The following KIF27 variants were observed in gnomAD, a reference collection of about 807,000 sequenced individuals.
KIF27 encodes kinesin-like protein KIF27.
Under a neutral mutation model 141.8 loss-of-function variants are expected in KIF27, and 84 were observed. That is an observed-to-expected ratio of 0.59 (90% CI 0.50 to 0.71). KIF27 has a LOEUF of 0.71. KIF27 is among the 30% of genes least tolerant of loss of function. The probability of loss-of-function intolerance (pLI) is 0.00; values close to 1 mark genes in which losing one functional copy is unlikely to be tolerated. For synonymous variants in KIF27, 471 were observed against 569.5 expected, an observed-to-expected ratio of 0.83 and a Z score of 2.46; for missense variants, 1,306 against 1,628.4, an observed-to-expected ratio of 0.80 and a Z score of 3.41.
chr9:83,876,239 C>G (rs111262599), intron 11 of KIF27, among the ~76,000 whole-genome samples: 20,325 of 152,002 alleles, frequency 0.13, 1,444 homozygotes, highest in African/African-American at 0.14. Flanking sequence ...GAATACTTTT[C>G]CATAGCTGCA....
chr9:83,902,851 G>C (rs1026882364), intron 4 of KIF27, among the ~76,000 whole-genome samples: 1 of 151,952 alleles, frequency 6.6e-6, no homozygotes, highest in African/African-American at 2.4e-5. Context: ...AGTAAGAGAG[G>C]CAAGTGGGAT....
Position 83,903,524 on chromosome 9 carries a change from G to A in KIF27, c.994C>T (p.Leu332Phe). Residue 332 changes from leucine to phenylalanine, a missense_variant, in exon 4 of 18, where the codon CTC (leucine) becomes TTC (phenylalanine). Physicochemically the swap from Leu to Phe is conservative, Grantham distance 22 (BLOSUM62 0). Transcript: ENST00000297814. The stretch of plus-strand genomic sequence containing the variant: ...TTCCGTGCTCTGTTGGCATATTTGA[G>A]AGAATTTAAGGACTCATCAAAATTC... ...SSNFDESLNS[L>F]KYANRARNIR... is the part of the protein sequence containing the mutation. 6.2e-7 allele frequency: 1 copy of A among 1,614,106 alleles called. No individual in the cohort carries two copies. Among genetic ancestry groups the A allele is most frequent in the Non-Finnish European group, 8.5e-7 (1 of 1,180,002 alleles).
At chr9:83,838,738 T>C (rs985180268) in intron 17 of KIF27, 14 of 152,214 alleles carry the variant, frequency 9.2e-5, no homozygotes, top group Admixed American at 2.6e-4. Flanking sequence ...TGAATTGCAA[T>C]AGCAGCTGGA....
intron 11 of KIF27, among the ~76,000 whole-genome samples, chr9:83,873,610 C>T (rs1224847091): frequency 1.3e-5 from 2 of 152,130 alleles, no homozygotes; most frequent in African/African-American, 2.4e-5. Flanking sequence ...ATGTTTACCA[C>T]CCATAGTTCT....
At chr9:83,855,663 G>A (rs1186920649) in intron 14 of KIF27, among the ~76,000 whole-genome samples, 1 of 152,112 alleles carries the variant, frequency 6.6e-6, no homozygotes, top group Non-Finnish European at 1.5e-5. Flanking sequence ...AAGCAACTAT[G>A]TTGAAGGAAA....
At chr9:83,899,467 C>T (rs535905021) in intron 5 of KIF27, among the ~76,000 whole-genome samples, 194 bp downstream of exon 5, 9 of 152,278 alleles carry the variant, frequency 5.9e-5, no homozygotes, top group African/African-American at 2.2e-4. Flanking sequence ...AAACCAAAGT[C>T]AGGCTAACAA....
At position 83,888,504 on chromosome 9, in the gene KIF27, C is replaced by A. The variant is rs772604037; in HGVS notation, c.2068G>T (p.Asp690Tyr). 1.3e-6 allele frequency: 2 copies of A among 1,571,380 alleles called. No individual in the cohort carries two copies. Among genetic ancestry groups the A allele is most frequent in the Non-Finnish European group, 1.7e-6 (2 of 1,149,480 alleles). Residue 690 changes from aspartate to tyrosine, a missense_variant, in exon 8 of 18, where the codon GAT becomes TAT. This residue lies in a region of KIF27 where 596 missense variants were observed against 751.6 expected (regional missense o/e 0.79). Coordinates refer to ENST00000297814, the MANE Select transcript of KIF27 (RefSeq NM_017576.4). Reference sequence around the variant, plus strand: ...ATCTATGTACCTTCATTCTCCAAATCTGACTTTTGTGTTTCATCCTGAGTA... The same window carrying A: ...ATCTATGTACCTTCATTCTCCAAATATGACTTTTGTGTTTCATCCTGAGTA... The part of the protein sequence containing the change: ...SDTQDETQKS[D>Y]LENEDLKIDC...
At chr9:83,918,771 T>C (rs1245432985) in intron 1 of KIF27, among the ~76,000 whole-genome samples, 3 of 151,772 alleles carry the variant, frequency 2.0e-5, no homozygotes, top group African/African-American at 7.3e-5. Flanking sequence ...TGTAACCCCA[T>C]TGCTACCTAA....
At chr9:83,856,906 CAAAA>C (rs573136318) in intron 14 of KIF27, among the ~76,000 whole-genome samples, 1 of 76,276 alleles carries the variant, frequency 1.3e-5, no homozygotes, top group Admixed American at 1.6e-4. Context: ...GACTCCATCT[CAAAA>C]AAAAAAAAAA....
At chr9:83,904,973 G>A (rs1954349999) in intron 3 of KIF27, among the ~76,000 whole-genome samples, 1 of 151,530 alleles carries the variant, frequency 6.6e-6, no homozygotes, top group East Asian at 1.9e-4. Context: ...AAGGTAAACA[G>A]ATGAGATGGC....
chr9:83,877,915 T>C (rs1445237732), intron 11 of KIF27, among the ~76,000 whole-genome samples: 1 of 151,922 alleles, frequency 6.6e-6, no homozygotes, highest in Non-Finnish European at 1.5e-5. Flanking sequence ...CTCAACATCA[T>C]TAGTCATTAG....
At chr9:83,861,478 C>T (rs370125954) in intron 13 of KIF27, among the ~76,000 whole-genome samples, 1 of 152,146 alleles carries the variant, frequency 6.6e-6, no homozygotes, top group East Asian at 1.9e-4. Context: ...TGGTTTCCAG[C>T]TTCATCCATG....
intron 1 of KIF27, among the ~76,000 whole-genome samples, chr9:83,916,600 T>G (rs1955704639): frequency 6.6e-6 from 1 of 152,174 alleles, no homozygotes; most frequent in African/African-American, 2.4e-5. Flanking sequence ...AATTGATGGC[T>G]GTAGTTTCCT....
rs375360469 is a variant in KIF27, at chr9:83,859,046, C to G, written c.3150+110G>C. The stretch of plus-strand genomic sequence containing the variant: ...GAACTCACTACATCTGACAAAATCT[C>G]AAGGAACCAAGTTTACCAGATAATA... On this transcript the variant is annotated intron_variant, in intron 14 of 17. Transcript: ENST00000297814. 8.2e-5 allele frequency: 72 copies of G among 877,910 alleles called. No individual in the cohort carries two copies. The South Asian group carries it at 1.0e-3, about 12-fold the overall frequency. The allele number at this position is 877,910 out of a possible 1,614,324, so 54.4% of individuals were successfully genotyped here.
chr9:83,860,721 C>T (rs1417290386), intron 13 of KIF27, among the ~76,000 whole-genome samples: 1 of 152,180 alleles, frequency 6.6e-6, no homozygotes, highest in African/African-American at 2.4e-5. Context: ...TCCTCCTGCT[C>T]CACACTGGAC....
chr9:83,908,506 A>G lies in KIF27; in HGVS notation c.445T>C (p.Leu149=). The G allele has an allele frequency of 1.2e-6, 2 of 1,612,962 alleles. No homozygotes were observed. The highest frequency in any genetic ancestry group is 8.5e-7 in the Non-Finnish European group (1 of 1,179,242). ...TGAAGATCCTTCATGGATGTCTCCA[A>G]TTCTAGAAGATCTCTTAGGTCTTCC... ...YKEDLRDLLE[L]ETSMKDLHIR... The change falls in exon 3 of 18, where the codon TTG becomes CTG. Residue 149 remains leucine, a synonymous_variant. Transcript: ENST00000297814.
At chr9:83,881,332 G>C (rs1456767491) in intron 10 of KIF27, among the ~76,000 whole-genome samples, 1 of 152,120 alleles carries the variant, frequency 6.6e-6, no homozygotes, top group Non-Finnish European at 1.5e-5. Context: ...ATACCAATTA[G>C]GTGGCATAAA....
intron 14 of KIF27, among the ~76,000 whole-genome samples, 162 bp from the exon 15 acceptor site, chr9:83,853,997 GTGTGTGTATACA>G (rs1401149933): frequency 2.0e-5 from 3 of 152,320 alleles, no homozygotes; most frequent in East Asian, 1.9e-4. Flanking sequence ...ACATAATGCA[GTGTGTGTATACA>G]TGTGTGTATA....
At chr9:83,880,122 A>C in intron 11 of KIF27, 175 bp downstream of exon 11, 2 of 885,002 alleles carry the variant, frequency 2.3e-6, no homozygotes, top group Non-Finnish European at 3.4e-6. Flanking sequence ...TCAAAATTCA[A>C]TAAGTAGGTT....
Sources: gnomAD v4.1 joint callset for allele counts (sites outside exome capture counted in the v4.1 genomes callset) on GRCh38, gnomAD v4.1.1 for gene constraint, gnomAD v4.1.1 regional missense constraint, MANE v1.5 for transcripts, NCBI Gene and HGNC (gene_info 2026-07-23, HGNC 2026-07-21) for gene names.